The following TNC variants were observed in gnomAD, a reference collection of about 807,000 sequenced individuals.
The protein encoded by TNC is tenascin.
In TNC, 109 loss-of-function variants were observed where a neutral mutation model predicts 202.4. The observed-to-expected ratio is 0.54, with a 90% confidence interval of 0.46 to 0.63. The LOEUF (loss-of-function observed/expected upper bound fraction) is 0.63. Among genes scored for constraint, TNC ranks in the 30% least tolerant of loss-of-function variants. The pLI is 0.00. For synonymous variants in TNC, 1,007 were observed against 1,089.7 expected (o/e 0.92, Z 1.50); for missense variants, 2,756 against 2,833.3 (o/e 0.97, Z 0.62).
intron 7 of TNC, among the ~76,000 whole-genome samples, chr9:115,077,174 C>T (rs1180065182): frequency 1.3e-5 from 2 of 152,218 alleles, no homozygotes; most frequent in African/African-American, 4.8e-5. Context: ...ATTCTCCTGC[C>T]TCAGCCTGTA....
At chr9:115,082,440 T>C (rs1351197703) in intron 5 of TNC, among the ~76,000 whole-genome samples, 1 of 152,208 alleles carries the variant, frequency 6.6e-6, no homozygotes, top group Non-Finnish European at 1.5e-5. Context: ...AAGGTGATGA[T>C]GGACAATTGG....
At chr9:115,066,386 T>C (rs1048892925) in intron 10 of TNC, among the ~76,000 whole-genome samples, 2 of 152,238 alleles carry the variant, frequency 1.3e-5, no homozygotes, top group African/African-American at 4.8e-5. Flanking sequence ...TTTTTTTCTA[T>C]TTATACTTCA....
Position 115,086,851 on chromosome 9 carries a change from A to G in TNC, c.880T>C (p.Cys294Arg). 6.2e-7 allele frequency: 1 copy of G among 1,614,168 alleles called. No homozygotes were observed. The highest frequency in any genetic ancestry group is 8.5e-7 in the Non-Finnish European group (1 of 1,180,044). ...CLNNCYNRGR[C>R]VENECVCDEG... ...TCACACACGCACTCATTCTCCACGCATCGTCCACGGTTGTAGCAATTGTTG... is the reference window on the plus strand; with the variant it reads ...TCACACACGCACTCATTCTCCACGCGTCGTCCACGGTTGTAGCAATTGTTG... Residue 294 changes from cysteine to arginine, a missense_variant, in exon 3 of 28, where the codon TGC (cysteine) becomes CGC (arginine). Physicochemically the swap from Cys to Arg is radical, Grantham distance 180 (BLOSUM62 -3). Transcript: ENST00000350763.
At chr9:115,057,688 G>C (rs538729579) in intron 14 of TNC, among the ~76,000 whole-genome samples, 2 of 152,384 alleles carry the variant, frequency 1.3e-5, no homozygotes, top group Non-Finnish European at 2.9e-5. Context: ...CCCTGGCCAA[G>C]AAGATGTGCT....
At chr9:115,037,534 T>A (rs1830424952) in intron 20 of TNC, among the ~76,000 whole-genome samples, 1 of 152,110 alleles carries the variant, frequency 6.6e-6, no homozygotes, top group South Asian at 2.1e-4. Context: ...TATTTTTTAT[T>A]TTTATTTTTT....
intron 1 of TNC, among the ~76,000 whole-genome samples, chr9:115,104,799 G>GA (rs1316946672): frequency 6.6e-5 from 10 of 152,152 alleles, no homozygotes; most frequent in African/African-American, 2.2e-4. Flanking sequence ...TTAAGAAGTA[G>GA]AATTGGTTTG....
rs1181198841 is a variant in TNC at position 115,048,430 on chromosome 9, A to G, written c.4682T>C (p.Val1561Ala). ...CAGCTTCCCAGAATCCACCACCGTT[A>G]CTAGAAAGCTGTCAAAGGCATTCTC... ...ASENAFDSFL[V>A]TVVDSGKLLD... Residue 1561 changes from valine (V) to alanine (A), a missense_variant, in exon 16 of 28, where the codon GTA becomes GCA. Coordinates refer to ENST00000350763, the MANE Select transcript of TNC (RefSeq NM_002160.4). 6.2e-7 allele frequency: 1 copy of G among 1,614,070 alleles called. No homozygotes were observed. Among genetic ancestry groups the G allele is most frequent in the African/African-American group, 1.3e-5 (1 of 75,040 alleles).
chr9:115,074,568 A>G (rs1833700657), intron 9 of TNC, among the ~76,000 whole-genome samples: 2 of 152,186 alleles, frequency 1.3e-5, no homozygotes, highest in Non-Finnish European at 2.9e-5. Context: ...ACTCAAATGG[A>G]CTAATATGTG....
intron 1 of TNC, among the ~76,000 whole-genome samples, chr9:115,099,026 A>C (rs1445448149): frequency 2.7e-5 from 4 of 148,358 alleles, no homozygotes; most frequent in African/African-American, 1.0e-4. Context: ...AATTGAGAAA[A>C]CTCTAACTGC....
chr9:115,037,355 G>A (rs1830408931), intron 20 of TNC, among the ~76,000 whole-genome samples: 1 of 151,968 alleles, frequency 6.6e-6, no homozygotes, highest in East Asian at 1.9e-4. Flanking sequence ...AAAATGGAGG[G>A]GTTCATTGAA....
chr9:115,025,238 C>T (rs1255480475), intron 26 of TNC, among the ~76,000 whole-genome samples: 2 of 152,334 alleles, frequency 1.3e-5, no homozygotes, highest in East Asian at 3.9e-4. Flanking sequence ...GCCATCTCAA[C>T]CAAAGAGGTA....
chr9:115,094,784 C>T (rs1451248992), intron 1 of TNC, among the ~76,000 whole-genome samples: 1 of 150,364 alleles, frequency 6.7e-6, no homozygotes, highest in African/African-American at 2.5e-5. Flanking sequence ...ACTGGCTTGC[C>T]TCTTGTAGCC....
intron 10 of TNC, among the ~76,000 whole-genome samples, chr9:115,065,515 C>T (rs1373875966): frequency 1.3e-5 from 2 of 152,166 alleles, no homozygotes; most frequent in South Asian, 2.1e-4. Flanking sequence ...TCTATGTTAG[C>T]GATGCTCTGA....
intron 3 of TNC, among the ~76,000 whole-genome samples, chr9:115,084,872 A>T (rs1371259029): frequency 1.3e-5 from 2 of 152,048 alleles, no homozygotes; most frequent in Middle Eastern, 3.2e-3. Flanking sequence ...CAACTTTCTT[A>T]TATTATAGAG....
At chr9:115,049,688 T>TA (rs1218200770) in intron 15 of TNC, among the ~76,000 whole-genome samples, 1 of 141,704 alleles carries the variant, frequency 7.1e-6, no homozygotes, top group Non-Finnish European at 1.5e-5. Context: ...TTTTTTTTTT[T>TA]AATCAGAAGA....
rs748790119 is a variant in TNC, at chr9:115,086,235, C to T, written c.1496G>A (p.Arg499His). Residue 499 changes from arginine to histidine, a missense_variant, in exon 3 of 28, where the codon CGC becomes CAC. Arg to His is a conservative substitution (Grantham distance 29, BLOSUM62 0). Transcript: ENST00000350763. ...GTTGCTGCAGTCCCTGGGGCATTGG[C>T]GATCCCGGCAGTCTTCCCCTGTGTA... ...DGYTGEDCRD[R>H]QCPRDCSNRG... 14 of 1,614,054 alleles carry T rather than the reference C, an allele frequency of 8.7e-6. No homozygotes were observed. Among genetic ancestry groups the T allele is most frequent in the South Asian group, 2.2e-5 (2 of 91,088 alleles).
At chr9:115,066,955 C>T (rs1343099121) in intron 10 of TNC, among the ~76,000 whole-genome samples, 1 of 152,200 alleles carries the variant, frequency 6.6e-6, no homozygotes, top group Non-Finnish European at 1.5e-5. Flanking sequence ...GTTTGCAATA[C>T]TTGATCTTGA....
chr9:115,052,998 C>T (rs1480220908), intron 15 of TNC: 1 of 699,290 alleles, frequency 1.4e-6, no homozygotes, highest in Non-Finnish European at 2.6e-6. Flanking sequence ...ATTAGCGTGC[C>T]CAACTGTGGC....
chr9:115,045,230 G>A (rs1246848746), intron 17 of TNC, among the ~76,000 whole-genome samples: 3 of 152,126 alleles, frequency 2.0e-5, no homozygotes, highest in Admixed American at 6.5e-5. Context: ...CATCTCCAGC[G>A]AATGCTATGT....
Sources: allele counts gnomAD v4.1 joint callset (sites outside exome capture counted in the v4.1 genomes callset), GRCh38; gene constraint gnomAD v4.1.1; transcripts MANE v1.5; gene names NCBI Gene and HGNC (gene_info 2026-07-23, HGNC 2026-07-21).